LPGAT1: variants seen among roughly 807,000 people sequenced by gnomAD.
LPGAT1 encodes acyl-CoA:lysophosphatidylglycerol acyltransferase 1.
Under a neutral mutation model 47.5 loss-of-function variants are expected in LPGAT1, and 11 were observed. The observed-to-expected ratio is 0.23, with a 90% CI of 0.15 to 0.38. The LOEUF (loss-of-function observed/expected upper bound fraction) is 0.38. Among genes scored for constraint, LPGAT1 ranks in the 10% least tolerant of loss-of-function variants. The probability of loss-of-function intolerance (pLI) is 1.00; values close to 1 mark genes in which losing one functional copy is unlikely to be tolerated. For synonymous variants in LPGAT1, 138 were observed against 144.2 expected (o/e 0.96, Z 0.31); for missense variants, 293 against 439.0 (o/e 0.67, Z 2.97).
chr1:211,824,096 G>C (rs1660456728), intron 2 of LPGAT1, among the ~76,000 whole-genome samples: 2 of 152,256 alleles, frequency 1.3e-5, no homozygotes, highest in African/African-American at 4.8e-5. Context: ...AACCAGGAAA[G>C]GAAAAAGAGA....
rs1660684985 is a variant in LPGAT1 at position 211,830,206 on chromosome 1, G to A, written c.-28+367C>T. The stretch of plus-strand genomic sequence containing the variant: ...ACCTCGGCGGGCGCGGACGGCGGGC[G>A]GCTGCGGAGAGCGGGGGCGGGTGTC... On this transcript the variant is annotated intron_variant, in intron 1 of 7. Coordinates refer to ENST00000366997, the MANE Select transcript of LPGAT1 (RefSeq NM_014873.3). This position sits in a 1 kb window ranked among gnomAD's most constrained non-coding sequence, Gnocchi z 5.9. The A allele has an allele frequency of 2.0e-6, 2 of 983,290 alleles. No homozygotes were observed. Among genetic ancestry groups the A allele is most frequent in the South Asian group, 4.7e-5 (1 of 21,464 alleles). The allele number at this position is 983,290 out of a possible 1,614,324, so 60.9% of individuals were successfully genotyped here. A position where few individuals can be genotyped will look rare whatever the true frequency, so the allele number is the denominator to read the frequency against.
chr1:211,767,793 T>C (rs967312168), intron 6 of LPGAT1, among the ~76,000 whole-genome samples: 5 of 152,106 alleles, frequency 3.3e-5, no homozygotes, highest in African/African-American at 1.2e-4. Context: ...AAACTAAAGA[T>C]AGGACACTGT....
At chr1:211,770,349 T>C (rs1045658317) in intron 6 of LPGAT1, among the ~76,000 whole-genome samples, 1 of 152,190 alleles carries the variant, frequency 6.6e-6, no homozygotes, top group Non-Finnish European at 1.5e-5. Context: ...GAGTAAAAAA[T>C]AGTATTTTGC....
At chr1:211,780,392 C>T (rs572562928) in intron 5 of LPGAT1, among the ~76,000 whole-genome samples, 17 of 152,056 alleles carry the variant, frequency 1.1e-4, no homozygotes, top group African/African-American at 3.9e-4. Context: ...CAAAGGTGAG[C>T]GAGAACTGAG....
At chr1:211,786,522 G>A (rs1486409963) in intron 4 of LPGAT1, among the ~76,000 whole-genome samples, 1 of 152,150 alleles carries the variant, frequency 6.6e-6, no homozygotes, top group Non-Finnish European at 1.5e-5. Flanking sequence ...TATAATACTA[G>A]TAACAAGTCA....
At chr1:211,819,483 C>A (rs1291220319) in intron 2 of LPGAT1, among the ~76,000 whole-genome samples, 2 of 152,072 alleles carry the variant, frequency 1.3e-5, no homozygotes, top group Admixed American at 6.6e-5. Context: ...CAGAACAAGA[C>A]CCTGTCTCCA....
chr1:211,754,451 C>G (rs143849883), intron 6 of LPGAT1, among the ~76,000 whole-genome samples: 1 of 152,232 alleles, frequency 6.6e-6, no homozygotes, highest in African/African-American at 2.4e-5. Context: ...GGCTGTTTTC[C>G]TCATCCTTGT....
At chr1:211,806,643 C>CAT (rs1659773737) in intron 2 of LPGAT1, among the ~76,000 whole-genome samples, 1 of 152,154 alleles carries the variant, frequency 6.6e-6, no homozygotes, top group African/African-American at 2.4e-5. Flanking sequence ...CAAACCTGAA[C>CAT]ATATACCCTC....
At chr1:211,769,696 C>A (rs756364798) in intron 6 of LPGAT1, among the ~76,000 whole-genome samples, 17 of 152,178 alleles carry the variant, frequency 1.1e-4, no homozygotes, top group Non-Finnish European at 4.4e-5. Flanking sequence ...TATAAGGTAA[C>A]TTCCTGACAT....
intron 5 of LPGAT1, among the ~76,000 whole-genome samples, chr1:211,781,615 C>T (rs996314700): frequency 6.6e-6 from 1 of 152,224 alleles, no homozygotes; most frequent in African/African-American, 2.4e-5. Context: ...AAATCACAGA[C>T]ATTATTTCTA....
At chr1:211,752,320 G>A (rs1657224059) in intron 6 of LPGAT1, among the ~76,000 whole-genome samples, 1 of 152,010 alleles carries the variant, frequency 6.6e-6, no homozygotes, top group South Asian at 2.1e-4. Flanking sequence ...AATATTCTAC[G>A]CTTTGCAGGT....
chr1:211,793,735 G>A (rs1413449283), intron 2 of LPGAT1, among the ~76,000 whole-genome samples: 1 of 152,026 alleles, frequency 6.6e-6, no homozygotes, highest in African/African-American at 2.4e-5. Flanking sequence ...GCCCAGCTAT[G>A]GTCATACCTT....
intron 6 of LPGAT1, among the ~76,000 whole-genome samples, chr1:211,756,869 TTCTC>T (rs1371251775): frequency 3.9e-4 from 58 of 150,004 alleles, no homozygotes; most frequent in Non-Finnish European, 6.8e-4. Flanking sequence ...TTTTTTTTTT[TTCTC>T]TCTTTTTTTT....
intron 6 of LPGAT1, among the ~76,000 whole-genome samples, chr1:211,774,677 G>C (rs1341918419): frequency 2.0e-5 from 3 of 152,018 alleles, no homozygotes; most frequent in African/African-American, 7.3e-5. Flanking sequence ...CATCTATGTG[G>C]TATTTTAAGT....
intron 6 of LPGAT1, among the ~76,000 whole-genome samples, chr1:211,753,693 AGCAGACCTT>A: frequency 6.6e-6 from 1 of 152,366 alleles, no homozygotes; most frequent in African/African-American, 2.4e-5. Context: ...GAATTCTAGA[AGCAGACCTT>A]GCCCTGTATA....
At position 211,817,089 on chromosome 1, in the gene LPGAT1, C is replaced by T. The variant is rs114622707; in HGVS notation, c.238+11970G>A. Among the ~76,000 whole-genome samples, 938 of 152,268 alleles carry T rather than the reference C, an allele frequency of 6.2e-3. 13 individuals carry two copies. The highest frequency in any genetic ancestry group is 0.021 in the African/African-American group (889 of 41,524). On this transcript the variant is annotated intron_variant, in intron 2 of 7. Coordinates refer to ENST00000366997, the MANE Select transcript of LPGAT1 (RefSeq NM_014873.3). ...AATTATTCCAAATGACATCCTAGTT[C>T]CTTATCCATGTAACCTATACTTATA...
rs1417178905 is a variant in LPGAT1, at chr1:211,825,261, A to AGCTCACTG, written c.238+3790_238+3797dup. ...GATTGGAGTGCAGTGGCATGATCAC[A>AGCTCACTG]GCTCACTGTAACCTCGAACTCCTGG... is the stretch of plus-strand genomic sequence containing the variant. On this transcript the variant is annotated intron_variant, in intron 2 of 7. Coordinates refer to ENST00000366997, the MANE Select transcript of LPGAT1 (RefSeq NM_014873.3). 2.3e-5 allele frequency among the ~76,000 whole-genome samples: 3 copies of AGCTCACTG among 131,486 alleles called. No homozygotes were observed. In the East Asian group the frequency reaches 6.6e-4, roughly 29 times the overall value. 86.3% of individuals were successfully genotyped at this position (131,486 alleles called of 152,430 possible).
At chr1:211,770,979 C>T (rs1310625444) in intron 6 of LPGAT1, among the ~76,000 whole-genome samples, 2 of 151,940 alleles carry the variant, frequency 1.3e-5, no homozygotes, top group African/African-American at 4.8e-5. Flanking sequence ...TGCCTATAAT[C>T]CCAGCTACCC....
At chr1:211,770,874 A>C (rs1366657096) in intron 6 of LPGAT1, among the ~76,000 whole-genome samples, 1 of 152,128 alleles carries the variant, frequency 6.6e-6, no homozygotes, top group Admixed American at 6.5e-5. Flanking sequence ...AGGTGGGTGG[A>C]TCACTTGACC....
Sources: allele counts gnomAD v4.1 joint callset (sites outside exome capture counted in the v4.1 genomes callset), GRCh38; gene constraint gnomAD v4.1.1; non-coding constraint Gnocchi (gnomAD v3.1); transcripts MANE v1.5; gene names NCBI Gene and HGNC (gene_info 2026-07-23, HGNC 2026-07-21).